Variants in FMN2 observed in about 807,000 individuals in gnomAD.
FMN2 encodes formin-2.
A neutral mutation model predicts 142.3 loss-of-function variants in FMN2; 51 were observed. That is an observed-to-expected ratio of 0.36 (90% CI 0.29 to 0.45). The LOEUF is 0.45. Among genes scored for constraint, FMN2 ranks in the 20% least tolerant of loss-of-function variants. The pLI, the probability that FMN2 is intolerant of heterozygous loss-of-function variation, is 1.00. For missense variants in FMN2, 1,936 were observed against 2,122.8 expected (o/e 0.91, Z 1.73); for synonymous variants, 882 against 869.8 (o/e 1.01, Z -0.25).
chr1:240,207,232 T>TC lies in FMN2; in HGVS notation c.2421dup (p.Ser808LeufsTer43). On this transcript the variant is annotated frameshift_variant, in exon 5 of 18. Coordinates refer to ENST00000319653, the MANE Select transcript of FMN2 (RefSeq NM_020066.5). LOFTEE classifies it high-confidence loss of function. Reference sequence around the variant, plus strand: ...GACAGCCATCAGCCCACACAGAGCATCTCACAGCCTCCACCACCTCCATCC... The same window carrying TC: ...GACAGCCATCAGCCCACACAGAGCATCCTCACAGCCTCCACCACCTCCATCC... The TC allele has an allele frequency of 6.2e-7, 1 of 1,613,988 alleles. No individual in the cohort carries two copies. The highest frequency in any genetic ancestry group is 8.5e-7 in the Non-Finnish European group (1 of 1,179,944).
intron 6 of FMN2, among the ~76,000 whole-genome samples, chr1:240,246,934 C>T (rs1417582061): frequency 6.6e-6 from 1 of 152,132 alleles, no homozygotes; most frequent in Non-Finnish European, 1.5e-5. Context: ...AGAGTGTACT[C>T]TCCTCTTCAT....
intron 7 of FMN2, among the ~76,000 whole-genome samples, chr1:240,272,740 A>C (rs1669061732): frequency 6.6e-6 from 1 of 152,174 alleles, no homozygotes; most frequent in Admixed American, 6.5e-5. Flanking sequence ...CTAAAACATC[A>C]AAGTCATGTG....
intron 2 of FMN2, chr1:240,143,326 C>A (rs1663276216): frequency 1.3e-6 from 2 of 1,502,728 alleles, no homozygotes; most frequent in Non-Finnish European, 1.9e-6. Context: ...TACAGCCCTC[C>A]GGAGTGCAGG....
chr1:240,457,839 T>C (rs1464684691), intron 16 of FMN2: 1 of 152,362 alleles, frequency 6.6e-6, no homozygotes, highest in Admixed American at 6.5e-5. Flanking sequence ...GGCCAGACTA[T>C]GTAGCCTAGT....
rs936725265 is a variant in FMN2, at chr1:240,230,496, A to T, written c.4065+19261A>T. On this transcript the variant is annotated intron_variant, in intron 6 of 17. Transcript: ENST00000319653. ...TTTTTTCTCAGAGAGCCATAAAAAA[A>T]TTTTGTTTTGAGGTGTGTATTAGTA... Among the ~76,000 whole-genome samples, 8 of 132,444 alleles carry T rather than the reference A, an allele frequency of 6.0e-5. 3 individuals carry two copies. Among genetic ancestry groups the T allele is most frequent in the African/African-American group, 2.2e-4 (7 of 31,206 alleles). The allele number at this position is 132,444 out of a possible 152,430, so 86.9% of individuals were successfully genotyped here.
rs1284441009 is a variant in FMN2 at position 240,092,646 on chromosome 1, G to A, written c.537G>A (p.Ser179=). Residue 179 remains serine, a synonymous_variant, in exon 1 of 18, where the codon TCG becomes TCA. Transcript: ENST00000319653. The part of the protein sequence containing the change: ...AQDGQRTSSG[S]DTDIYSFHSA... ...ATGGACAAAGGACCAGCTCGGGCTCGGACACGGACATCTATAGCTTCCATT... is the reference window on the plus strand; with the variant it reads ...ATGGACAAAGGACCAGCTCGGGCTCAGACACGGACATCTATAGCTTCCATT... 6.2e-7 allele frequency: 1 copy of A among 1,614,088 alleles called. No individual in the cohort carries two copies. The highest frequency in any genetic ancestry group is 8.5e-7 in the Non-Finnish European group (1 of 1,180,012).
intron 14 of FMN2, among the ~76,000 whole-genome samples, chr1:240,361,186 A>ATATAT (rs1672469324): frequency 3.6e-5 from 3 of 82,246 alleles, no homozygotes; most frequent in Non-Finnish European, 9.1e-5. Flanking sequence ...TATATATATA[A>ATATAT]AAGAGTTTAA....
At chr1:240,179,122 A>G (rs1665046501) in intron 3 of FMN2, among the ~76,000 whole-genome samples, 1 of 152,166 alleles carries the variant, frequency 6.6e-6, no homozygotes, top group Admixed American at 6.5e-5. Flanking sequence ...TAGGGCTGTT[A>G]TGAGAATTAT....
intron 2 of FMN2, among the ~76,000 whole-genome samples, chr1:240,134,859 C>T (rs925176793): frequency 6.6e-6 from 1 of 152,086 alleles, no homozygotes; most frequent in African/African-American, 2.4e-5. Flanking sequence ...CCCTCATGCC[C>T]CCACATCTTT....
At chr1:240,320,665 A>G (rs1288752351) in intron 8 of FMN2, among the ~76,000 whole-genome samples, 1 of 152,192 alleles carries the variant, frequency 6.6e-6, no homozygotes. Flanking sequence ...GTGCTTAAGT[A>G]TGGGGGTGGG....
At chr1:240,205,785 GT>G (rs532877974) in intron 4 of FMN2, among the ~76,000 whole-genome samples, 6 of 145,322 alleles carry the variant, frequency 4.1e-5, no homozygotes, top group East Asian at 2.1e-4. Context: ...TACTCAAAAC[GT>G]TTTTTTTTTC....
chr1:240,427,684 A>G (rs1418600424), intron 15 of FMN2, among the ~76,000 whole-genome samples: 1 of 152,120 alleles, frequency 6.6e-6, no homozygotes, highest in Non-Finnish European at 1.5e-5. Context: ...TCTCTACAGT[A>G]TGGATTTTCC....
At chr1:240,442,581 T>C (rs1675661506) in intron 16 of FMN2, among the ~76,000 whole-genome samples, 1 of 152,224 alleles carries the variant, frequency 6.6e-6, no homozygotes, top group Non-Finnish European at 1.5e-5. Context: ...GTTAATGGTG[T>C]CCTTGAAATT....
chr1:240,255,301 T>G (rs1221798807), intron 6 of FMN2, among the ~76,000 whole-genome samples: 3 of 152,136 alleles, frequency 2.0e-5, no homozygotes, highest in Non-Finnish European at 4.4e-5. Flanking sequence ...ATTTCAGTTC[T>G]TGTTTGTGGA....
intron 15 of FMN2, 86 bp from the exon 16 acceptor site, chr1:240,437,974 TA>T: frequency 1.4e-6 from 2 of 1,479,898 alleles, no homozygotes; most frequent in Non-Finnish European, 9.1e-7. Flanking sequence ...TGTGCATGAA[TA>T]AAATCAGCAT....
At chr1:240,256,789 A>G (rs897662) in intron 6 of FMN2, among the ~76,000 whole-genome samples, 104,337 of 151,802 alleles carry the variant, frequency 0.69, 36,471 homozygotes, top group East Asian at 0.85. Flanking sequence ...AAAAGATCAG[A>G]GTGGTTTTCG....
At chr1:240,469,873 C>T (rs1252554873) in intron 16 of FMN2, among the ~76,000 whole-genome samples, 3 of 152,244 alleles carry the variant, frequency 2.0e-5, no homozygotes, top group East Asian at 3.9e-4. Flanking sequence ...TGCTGGACCT[C>T]GAGCTAATGC....
At chr1:240,172,780 C>T (rs2103313754) in intron 2 of FMN2, among the ~76,000 whole-genome samples, 1 of 152,074 alleles carries the variant, frequency 6.6e-6, no homozygotes, top group East Asian at 1.9e-4. Flanking sequence ...CATATGATAC[C>T]CACAAAGTTT....
intron 2 of FMN2, among the ~76,000 whole-genome samples, chr1:240,137,816 G>C (rs1014615206): frequency 1.3e-5 from 2 of 152,086 alleles, no homozygotes; most frequent in Non-Finnish European, 2.9e-5. Context: ...CTGTGGCCAG[G>C]GGCGGTAGCT....
Sources: allele counts gnomAD v4.1 joint callset (sites outside exome capture counted in the v4.1 genomes callset), GRCh38; gene constraint gnomAD v4.1.1; transcripts MANE v1.5; gene names NCBI Gene and HGNC (gene_info 2026-07-23, HGNC 2026-07-21).